The following BCAS3 variants were observed in gnomAD, a reference collection of about 807,000 sequenced individuals.
BCAS3 encodes the protein BCAS4/BCAS3 fusion.
BCAS3 carries 53 observed loss-of-function variants against 116.1 expected under a neutral mutation model. That is an observed-to-expected ratio of 0.46 (90% CI 0.37 to 0.57). The LOEUF (loss-of-function observed/expected upper bound fraction) is 0.57, where lower values mean the gene tolerates loss of function less well. Ranked by LOEUF, BCAS3 falls within the 20% of genes least tolerant of loss-of-function variation. The pLI, the probability that BCAS3 is intolerant of heterozygous loss-of-function variation, is 0.00. For missense variants in BCAS3, 917 were observed against 1,165.4 expected (o/e 0.79, Z 3.10); for synonymous variants, 391 against 408.2 (o/e 0.96, Z 0.51).
chr17:60,826,827 A>G (rs1186718872), intron 7 of BCAS3, among the ~76,000 whole-genome samples: 1 of 152,248 alleles, frequency 6.6e-6, no homozygotes, highest in Non-Finnish European at 1.5e-5. Flanking sequence ...TATAATGTAT[A>G]TCTGAAGAAA....
rs1033074694 is a variant in BCAS3, at chr17:61,259,285, GTCT to G, written c.2426-109034_2426-109032del. On this transcript the variant is annotated intron_variant, in intron 22 of 23. Transcript: ENST00000407086. This position sits in a 1 kb window ranked among gnomAD's most constrained non-coding sequence, Gnocchi z 4.7. ...TCACAGAACTAATCTGTGTTGATCTGTCTTCTTCTTGAGGGCACACAGAATTTG... is the reference window on the plus strand; with the variant it reads ...TCACAGAACTAATCTGTGTTGATCTGTCTTCTTGAGGGCACACAGAATTTG... Among the ~76,000 whole-genome samples, 1 of 151,940 alleles carries G rather than the reference GTCT, an allele frequency of 6.6e-6. No individual in the cohort carries two copies. The highest frequency in any genetic ancestry group is 2.4e-5 in the African/African-American group (1 of 41,342).
At position 61,276,649 on chromosome 17, in the gene BCAS3, GATCTCTATCAAA is replaced by G. The variant is rs1392470969; in HGVS notation, c.2426-91665_2426-91654del. Among the ~76,000 whole-genome samples, 1 of 152,054 alleles carries G rather than the reference GATCTCTATCAAA, an allele frequency of 6.6e-6. No homozygotes were observed. The highest frequency in any genetic ancestry group is 2.4e-5 in the African/African-American group (1 of 41,408). On this transcript the variant is annotated intron_variant, in intron 22 of 23. Transcript: ENST00000407086. The surrounding 1 kb of genome is among the most constrained non-coding windows in gnomAD (Gnocchi z 4.2). ...GATTCAACACAATCTCTATCAAAAT[GATCTCTATCAAA>G]ATCTCTATCAAATAAGCTGACTTAT... is the stretch of plus-strand genomic sequence containing the variant.
chr17:60,726,153 C>A (rs1187112055), intron 5 of BCAS3, among the ~76,000 whole-genome samples: 1 of 149,698 alleles, frequency 6.7e-6, no homozygotes, highest in Non-Finnish European at 1.5e-5. Flanking sequence ...CCTTGGCCTC[C>A]CAAAGTGCTG....
chr17:61,325,570 G>C lies in BCAS3; in HGVS notation c.2426-42757G>C, dbSNP rs1217207508. ...CACCCCATGGGGCTGTGTCTAATTGGACAAATTTGAACAGCAGGCAGCACA... is the reference window on the plus strand; with the variant it reads ...CACCCCATGGGGCTGTGTCTAATTGCACAAATTTGAACAGCAGGCAGCACA... On this transcript the variant is annotated intron_variant, in intron 22 of 23. Transcript: ENST00000407086. The surrounding 1 kb of genome is among the most constrained non-coding windows in gnomAD (Gnocchi z 6.4). Among the ~76,000 whole-genome samples, 1 of 152,162 alleles carries C rather than the reference G, an allele frequency of 6.6e-6. No homozygotes were observed. The highest frequency in any genetic ancestry group is 1.5e-5 in the Non-Finnish European group (1 of 68,028).
chr17:61,387,525 A>T lies in BCAS3; in HGVS notation c.2594-4452A>T, dbSNP rs2059919185. Among the ~76,000 whole-genome samples the T allele has an allele frequency of 6.6e-6, 1 of 152,030 alleles. No homozygotes were observed. Among genetic ancestry groups the T allele is most frequent in the South Asian group, 2.1e-4 (1 of 4,818 alleles). On this transcript the variant is annotated intron_variant, in intron 23 of 23. Coordinates refer to ENST00000407086, the MANE Select transcript of BCAS3 (RefSeq NM_017679.5). The surrounding 1 kb of genome is among the most constrained non-coding windows in gnomAD (Gnocchi z 6.2). Reference sequence around the variant, plus strand: ...GTAGTGCCAAGGATCCGGCTGTCTCATCCTTCACTTGTTTCATGAGAGCGG... The same window carrying T: ...GTAGTGCCAAGGATCCGGCTGTCTCTTCCTTCACTTGTTTCATGAGAGCGG...
chr17:61,232,810 C>A (rs1739388782), intron 22 of BCAS3, among the ~76,000 whole-genome samples: 1 of 150,478 alleles, frequency 6.6e-6, no homozygotes, highest in Non-Finnish European at 1.5e-5. Context: ...AAACAACTTT[C>A]TTTGTCTATT....
At chr17:60,709,371 G>T (rs750126294) in intron 5 of BCAS3, 46 bp downstream of exon 5, 1 of 1,143,796 alleles carries the variant, frequency 8.7e-7, no homozygotes, top group Admixed American at 1.9e-5. Flanking sequence ...TTCCCAGCAT[G>T]TTAGCTTATG....
chr17:60,853,410 A>G (rs1365264960), intron 7 of BCAS3, among the ~76,000 whole-genome samples: 1 of 152,240 alleles, frequency 6.6e-6, no homozygotes, highest in Non-Finnish European at 1.5e-5. Flanking sequence ...TTCAAAATAT[A>G]TGTTTGAATT....
rs1601886234 is a variant in BCAS3 at position 61,203,417 on chromosome 17, AAGT to A, written c.2425+118854_2425+118856del. Among the ~76,000 whole-genome samples, 2 of 152,100 alleles carry A rather than the reference AAGT, an allele frequency of 1.3e-5. No homozygotes were observed. Among genetic ancestry groups the A allele is most frequent in the East Asian group, 3.9e-4 (2 of 5,192 alleles). On this transcript the variant is annotated intron_variant, in intron 22 of 23. Coordinates refer to ENST00000407086, the MANE Select transcript of BCAS3 (RefSeq NM_017679.5). This position sits in a 1 kb window ranked among gnomAD's most constrained non-coding sequence, Gnocchi z 5.7. ...GTGATCTGCTCACCTCGGCCTCCCA[AAGT>A]GCTGGTATCACAGGTGTGAGCCACC...
intron 22 of BCAS3, among the ~76,000 whole-genome samples, chr17:61,234,581 C>G (rs901890791): frequency 2.0e-5 from 3 of 152,170 alleles, no homozygotes; most frequent in Non-Finnish European, 4.4e-5. Context: ...TTCCCTCTAG[C>G]AATTCAGGAG....
chr17:61,049,250 A>G (rs754167622), intron 19 of BCAS3, among the ~76,000 whole-genome samples: 1 of 151,924 alleles, frequency 6.6e-6, no homozygotes, highest in Admixed American at 6.6e-5. Context: ...GCAGTGAACC[A>G]TGATTCTGTC....
chr17:60,887,313 TGCAC>T lies in BCAS3; in HGVS notation c.662-2380_662-2377del, dbSNP rs2144986490. The T allele has an allele frequency of 4.7e-5, 4 of 84,656 alleles. No homozygotes were observed. The African/African-American group carries it at 1.1e-3, about 24-fold the overall frequency. The allele number at this position is 84,656 out of a possible 1,614,324, so 5.2% of individuals were successfully genotyped here. A position where few individuals can be genotyped will look rare whatever the true frequency, so the allele number is the denominator to read the frequency against. ...TCGCCCTGCTTCGGCTCGCGCACGG[TGCAC>T]GGTGCGTGCACCCACTGACCTGCGC... On this transcript the variant is annotated intron_variant, in intron 9 of 23. Transcript: ENST00000407086.
chr17:61,232,645 G>A (rs960822978), intron 22 of BCAS3, among the ~76,000 whole-genome samples: 6 of 151,962 alleles, frequency 3.9e-5, no homozygotes, highest in Non-Finnish European at 7.4e-5. Context: ...ATCCAGGACC[G>A]GTGTTCTCTT....
chr17:60,872,110 A>G (rs1274711416), intron 8 of BCAS3, among the ~76,000 whole-genome samples: 1 of 151,458 alleles, frequency 6.6e-6, no homozygotes, highest in Admixed American at 6.6e-5. Context: ...GTATTTTTCC[A>G]TTTTTCAGTT....
chr17:60,901,993 T>A lies in BCAS3; in HGVS notation c.739-627T>A, dbSNP rs1028092413. ...ATAATCATGCATATCAAAGTAGTGA[T>A]TCATTTTGAAAATTGGCAGTTTGCT... On this transcript the variant is annotated intron_variant, in intron 10 of 23. Transcript: ENST00000407086. Among the ~76,000 whole-genome samples, 5 of 152,252 alleles carry A rather than the reference T, an allele frequency of 3.3e-5. 1 individual carries two copies. Among genetic ancestry groups the A allele is most frequent in the African/African-American group, 1.2e-4 (5 of 41,470 alleles).
chr17:61,217,831 A>G lies in BCAS3; in HGVS notation c.2425+133267A>G, dbSNP rs72832585. On this transcript the variant is annotated intron_variant, in intron 22 of 23. Transcript: ENST00000407086. This position sits in a 1 kb window ranked among gnomAD's most constrained non-coding sequence, Gnocchi z 5.2. ...ATTTTTTACAGAAATTCCTAGCGCCAAGCACAAAATAAACTAGAAAAGCGT... is the reference window on the plus strand; with the variant it reads ...ATTTTTTACAGAAATTCCTAGCGCCGAGCACAAAATAAACTAGAAAAGCGT... 5.0e-4 allele frequency among the ~76,000 whole-genome samples: 76 copies of G among 152,242 alleles called. No homozygotes were observed. Among genetic ancestry groups the G allele is most frequent in the Non-Finnish European group, 1.0e-3 (70 of 67,998 alleles).
intron 5 of BCAS3, among the ~76,000 whole-genome samples, chr17:60,714,113 A>C (rs1040620339): frequency 3.9e-5 from 6 of 152,168 alleles, no homozygotes; most frequent in Non-Finnish European, 8.8e-5. Flanking sequence ...CTGGGATTAC[A>C]GGCGTGAGCT....
chr17:61,260,724 G>T (rs963371976), intron 22 of BCAS3, among the ~76,000 whole-genome samples: 4 of 152,228 alleles, frequency 2.6e-5, no homozygotes, highest in African/African-American at 9.6e-5. Flanking sequence ...GAGACACTTT[G>T]TACCGACTAA....
chr17:60,737,191 C>T (rs374061317), intron 5 of BCAS3, among the ~76,000 whole-genome samples: 6 of 152,000 alleles, frequency 3.9e-5, no homozygotes, highest in Non-Finnish European at 5.9e-5. Context: ...TCACCTGCCT[C>T]GGCCTCCCAA....
Sources: gnomAD v4.1 joint callset for allele counts (sites outside exome capture counted in the v4.1 genomes callset) on GRCh38, gnomAD v4.1.1 for gene constraint, Gnocchi (gnomAD v3.1) non-coding constraint, MANE v1.5 for transcripts, NCBI Gene and HGNC (gene_info 2026-07-23, HGNC 2026-07-21) for gene names.